Variants in CRIM1 observed in about 807,000 individuals in gnomAD.
CRIM1 encodes cysteine rich transmembrane BMP regulator 1.
A neutral mutation model predicts 116.4 loss-of-function variants in CRIM1; 32 were observed. The observed-to-expected ratio is 0.27, with a 90% confidence interval of 0.21 to 0.37. The LOEUF (loss-of-function observed/expected upper bound fraction) is 0.37, where lower values mean the gene tolerates loss of function less well. CRIM1 is among the 10% of genes least tolerant of loss of function. The pLI is 1.00. For missense variants in CRIM1, 1,331 were observed against 1,354.8 expected (o/e 0.98, Z 0.28); for synonymous variants, 590 against 509.2 (o/e 1.16, Z -2.13).
At chr2:36,507,464 G>A (rs910443556) in intron 8 of CRIM1, among the ~76,000 whole-genome samples, 2 of 152,196 alleles carry the variant, frequency 1.3e-5, no homozygotes, top group African/African-American at 4.8e-5. Flanking sequence ...TACCCACTCT[G>A]TACCAAATAC....
intron 14 of CRIM1, among the ~76,000 whole-genome samples, chr2:36,539,588 C>G (rs778618806): frequency 2.0e-5 from 3 of 152,104 alleles, no homozygotes; most frequent in Non-Finnish European, 4.4e-5. Context: ...ATAGTGAAAG[C>G]AGAGAGACCA....
chr2:36,408,598 A>G (rs979842355), intron 2 of CRIM1, among the ~76,000 whole-genome samples: 2 of 152,184 alleles, frequency 1.3e-5, no homozygotes, highest in Non-Finnish European at 2.9e-5. Flanking sequence ...TTCTGTGTCC[A>G]CAGGGGTTCT....
intron 5 of CRIM1, among the ~76,000 whole-genome samples, chr2:36,474,465 A>G (rs996594415): frequency 1.3e-5 from 2 of 152,128 alleles, no homozygotes; most frequent in Non-Finnish European, 1.5e-5. Flanking sequence ...TTGTATTTAG[A>G]TCATAACTCT....
intron 7 of CRIM1, among the ~76,000 whole-genome samples, chr2:36,488,117 G>A (rs1301605924): frequency 6.6e-6 from 1 of 152,098 alleles, no homozygotes; most frequent in African/African-American, 2.4e-5. Context: ...ATATATGAGG[G>A]TTAGCACTGA....
chr2:36,495,509 G>C lies in CRIM1; in HGVS notation c.1373-3710G>C, dbSNP rs191761186. Reference sequence around the variant, plus strand: ...TTTTTTTTTTTTTGGATGAGAAACAGTCATACTGAGATACTATGATTCTAG... The same window carrying C: ...TTTTTTTTTTTTTGGATGAGAAACACTCATACTGAGATACTATGATTCTAG... On this transcript the variant is annotated intron_variant, in intron 7 of 16. Transcript: ENST00000280527. Among the ~76,000 whole-genome samples the C allele has an allele frequency of 9.5e-3, 1,298 of 136,584 alleles. 18 individuals are homozygous for C. The highest frequency in any genetic ancestry group is 0.033 in the African/African-American group (1,250 of 37,862). The allele number at this position is 136,584 out of a possible 152,430, so 89.6% of individuals were successfully genotyped here. A position where few individuals can be genotyped will look rare whatever the true frequency, so the allele number is the denominator to read the frequency against.
At chr2:36,404,065 C>G (rs3770925) in intron 2 of CRIM1, among the ~76,000 whole-genome samples, 82,391 of 151,742 alleles carry the variant, frequency 0.54, 22,672 homozygotes, top group East Asian at 0.82. Context: ...GTTAACACAC[C>G]AAGAGTGATA....
At chr2:36,404,334 G>A (rs562012844) in intron 2 of CRIM1, among the ~76,000 whole-genome samples, 1 of 152,274 alleles carries the variant, frequency 6.6e-6, no homozygotes, top group Admixed American at 6.5e-5. Context: ...TAGTAGAGCT[G>A]GTCAGACCCA....
At chr2:36,359,964 C>G (rs903815844) in intron 1 of CRIM1, among the ~76,000 whole-genome samples, 1 of 152,166 alleles carries the variant, frequency 6.6e-6, no homozygotes, top group Admixed American at 6.5e-5. Context: ...GGAAAATCAC[C>G]TAGAAGCCAG....
At chr2:36,380,423 C>T (rs1253962116) in intron 1 of CRIM1, among the ~76,000 whole-genome samples, 1 of 152,094 alleles carries the variant, frequency 6.6e-6, no homozygotes, top group Non-Finnish European at 1.5e-5. Flanking sequence ...TGCTGCAGCC[C>T]TAAGCTCCAG....
chr2:36,472,528 C>T (rs1283028146), intron 5 of CRIM1, among the ~76,000 whole-genome samples: 2 of 152,112 alleles, frequency 1.3e-5, no homozygotes, highest in Admixed American at 6.6e-5. Context: ...GTTCTCTCGT[C>T]AGTCCCATCC....
chr2:36,534,258 G>A (rs557658438), intron 13 of CRIM1, among the ~76,000 whole-genome samples: 1 of 132,452 alleles, frequency 7.5e-6, no homozygotes, highest in South Asian at 2.6e-4. Flanking sequence ...GGGGGAAGGA[G>A]GAAAGAAAGG....
intron 13 of CRIM1, chr2:36,531,941 C>G: frequency 2.1e-6 from 1 of 471,004 alleles, no homozygotes; most frequent in Non-Finnish European, 4.4e-6. Flanking sequence ...CCAGCTGCAT[C>G]CAGCAAAGGG....
Position 36,546,763 on chromosome 2 carries a change from ATTTTT to A in CRIM1, c.2747-198_2747-194del, listed in dbSNP as rs775086985. Among the ~76,000 whole-genome samples the A allele has an allele frequency of 6.2e-3, 632 of 101,836 alleles. 7 individuals are homozygous for A. Among genetic ancestry groups the A allele is most frequent in the African/African-American group, 0.021 (535 of 26,082 alleles). The allele number at this position is 101,836 out of a possible 152,430, so 66.8% of individuals were successfully genotyped here. ...CCCAATTATTAAGATTCTCACTCTG[ATTTTT>A]TTTTTTTTTTTTTTTTTTTTTTAAC... On this transcript the variant is annotated intron_variant, in intron 15 of 16. Transcript: ENST00000280527.
chr2:36,548,622 C>G lies in CRIM1; in HGVS notation c.3032C>G (p.Pro1011Arg). The change falls in exon 17 of 17, where the codon CCA (proline) becomes CGA (arginine). Residue 1011 changes from proline to arginine, a missense_variant. Physicochemically the swap from Pro to Arg is moderately radical, Grantham distance 103. This residue lies in a region of CRIM1 where 283 missense variants were observed against 242.8 expected (regional missense o/e 1.17). Transcript: ENST00000280527. ...CAGAGAATGCTAAGAATTGCAGAAC[C>G]AGATGCAAGATTCAGTGGCTTCTAC... Reference protein sequence around the residue: ...SSQRMLRIAEPDARFSGFYSM... With the variant: ...SSQRMLRIAERDARFSGFYSM... 1.2e-6 allele frequency: 2 copies of G among 1,612,694 alleles called. No individual in the cohort carries two copies. The highest frequency in any genetic ancestry group is 1.3e-5 in the African/African-American group (1 of 74,936).
intron 13 of CRIM1, among the ~76,000 whole-genome samples, chr2:36,530,459 G>A (rs560503130): frequency 1.3e-5 from 2 of 152,196 alleles, no homozygotes; most frequent in African/African-American, 4.8e-5. Flanking sequence ...CAAGTGTGGA[G>A]TTTGTGCCCA....
chr2:36,500,986 T>C (rs1680943398), intron 8 of CRIM1, among the ~76,000 whole-genome samples: 1 of 152,236 alleles, frequency 6.6e-6, no homozygotes, highest in African/African-American at 2.4e-5. Context: ...TGGTAGTCAG[T>C]GCTTTATTCC....
intron 1 of CRIM1, among the ~76,000 whole-genome samples, chr2:36,357,974 G>A (rs1012647239): frequency 6.6e-6 from 1 of 152,198 alleles, no homozygotes; most frequent in African/African-American, 2.4e-5. Flanking sequence ...ACACACATAG[G>A]TACTTATTTA....
intron 13 of CRIM1, among the ~76,000 whole-genome samples, chr2:36,525,682 A>G (rs949565277): frequency 3.9e-5 from 6 of 152,106 alleles, no homozygotes; most frequent in African/African-American, 7.2e-5. Context: ...TGTACAGACT[A>G]TCTCACCCCA....
intron 2 of CRIM1, among the ~76,000 whole-genome samples, chr2:36,431,757 G>C (rs1674911584): frequency 6.6e-6 from 1 of 152,194 alleles, no homozygotes; most frequent in South Asian, 2.1e-4. Context: ...AGGGCTCTCA[G>C]AACATCTGGT....
Sources: allele counts gnomAD v4.1 joint callset (sites outside exome capture counted in the v4.1 genomes callset), GRCh38; gene constraint gnomAD v4.1.1; regional missense constraint gnomAD v4.1.1; transcripts MANE v1.5; gene names NCBI Gene and HGNC (gene_info 2026-07-23, HGNC 2026-07-21).